The following ANXA3 variants were observed in gnomAD, a reference collection of about 807,000 sequenced individuals.
ANXA3 encodes annexin A3.
ANXA3 carries 46 observed loss-of-function variants against 48.8 expected under a neutral mutation model. The observed-to-expected ratio is 0.94, with a 90% confidence interval of 0.74 to 1.21. The LOEUF (loss-of-function observed/expected upper bound fraction) is 1.21. Among genes scored for constraint, ANXA3 ranks in the 50% most tolerant of loss-of-function variants. The pLI, the probability that ANXA3 is intolerant of heterozygous loss-of-function variation, is 0.00. For missense variants in ANXA3, 383 were observed against 378.6 expected (o/e 1.01, Z -0.10); for synonymous variants, 128 against 134.7 (o/e 0.95, Z 0.35).
intron 2 of ANXA3, among the ~76,000 whole-genome samples, chr4:78,559,963 A>G (rs963497845): frequency 6.6e-6 from 1 of 152,194 alleles, no homozygotes; most frequent in Non-Finnish European, 1.5e-5. Flanking sequence ...TATCGCTGCA[A>G]CTGTTTTTGT....
chr4:78,595,234 C>A, intron 7 of ANXA3, 147 bp from the exon 8 acceptor site: 1 of 834,038 alleles, frequency 1.2e-6, no homozygotes. Context: ...ATGGCAGAAC[C>A]AGAACTGGAG....
At position 78,579,063 on chromosome 4, in the gene ANXA3, A is replaced by T. The variant is rs753843147; in HGVS notation, c.140A>T (p.Glu47Val). 8.7e-6 allele frequency: 14 copies of T among 1,612,642 alleles called. No individual in the cohort carries two copies. Among genetic ancestry groups the T allele is most frequent in the Non-Finnish European group, 1.2e-5 (14 of 1,178,922 alleles). Residue 47 changes from glutamate (E) to valine (V), a missense_variant, in exon 4 of 13, where the codon GAG (glutamate) becomes GTG (valine). Coordinates refer to ENST00000264908, the MANE Select transcript of ANXA3 (RefSeq NM_005139.3). ...DEKMLISILT[E>V]RSNAQRQLIV... ...AAAATGCTCATCAGCATTCTGACTG[A>T]GAGGTCAAATGCACAGCGGCAGCTG...
chr4:78,578,369 G>GGAAGGGAGGGAGGGAA (rs1723005991), intron 3 of ANXA3, among the ~76,000 whole-genome samples: 1 of 132,734 alleles, frequency 7.5e-6, no homozygotes, highest in African/African-American at 3.0e-5. Flanking sequence ...GAGAGAGGGA[G>GGAAGGGAGGGAGGGAA]GAAAGAAGGA....
At chr4:78,577,996 A>G (rs918872960) in intron 3 of ANXA3, among the ~76,000 whole-genome samples, 1 of 151,920 alleles carries the variant, frequency 6.6e-6, no homozygotes, top group Non-Finnish European at 1.5e-5. Context: ...TTTATGAGAG[A>G]GGCCGGGTAC....
intron 9 of ANXA3, among the ~76,000 whole-genome samples, chr4:78,596,658 A>C (rs1441882048): frequency 6.6e-6 from 1 of 152,224 alleles, no homozygotes; most frequent in Non-Finnish European, 1.5e-5. Flanking sequence ...TAATGACAAC[A>C]GTATGTGATA....
chr4:78,578,153 T>A (rs964010376), intron 3 of ANXA3, among the ~76,000 whole-genome samples: 3 of 151,534 alleles, frequency 2.0e-5, no homozygotes, highest in African/African-American at 7.3e-5. Context: ...TGATTGCACA[T>A]GCCTGTAATC....
At chr4:78,597,559 A>G (rs964815853) in intron 10 of ANXA3, 145 bp downstream of exon 10, 3 of 564,460 alleles carry the variant, frequency 5.3e-6, no homozygotes, top group Non-Finnish European at 9.5e-6. Context: ...TACACACAGT[A>G]CGCTCAACAA....
chr4:78,597,287 G>T lies in ANXA3; in HGVS notation c.635-32G>T, dbSNP rs373769010. ...ATATTCAAATGTGCTCAACTGCGTT[G>T]CTTTAAATAATTTTGTGGTGCTTCT... On this transcript the variant is annotated intron_variant, in intron 9 of 12. Coordinates refer to ENST00000264908, the MANE Select transcript of ANXA3 (RefSeq NM_005139.3). 4.3e-6 allele frequency: 6 copies of T among 1,409,806 alleles called. No individual in the cohort carries two copies. The African/African-American group carries it at 5.7e-5, about 13-fold the overall frequency. The allele number at this position is 1,409,806 out of a possible 1,614,324, so 87.3% of individuals were successfully genotyped here. A position where few individuals can be genotyped will look rare whatever the true frequency, so the allele number is the denominator to read the frequency against.
At chr4:78,568,869 A>C (rs1722783296) in intron 2 of ANXA3, among the ~76,000 whole-genome samples, 1 of 152,198 alleles carries the variant, frequency 6.6e-6, no homozygotes, top group African/African-American at 2.4e-5. Flanking sequence ...AAGATGGTTT[A>C]AATGAGATGA....
intron 6 of ANXA3, 130 bp from the exon 7 acceptor site, chr4:78,591,414 T>C: frequency 1.6e-6 from 1 of 633,140 alleles, no homozygotes; most frequent in Admixed American, 2.7e-5. Context: ...ATGAAGAAAT[T>C]AAATAAAAGG....
chr4:78,604,242 A>T (rs1446172176), intron 11 of ANXA3, 35 bp from the exon 12 acceptor site: 1 of 1,563,936 alleles, frequency 6.4e-7, no homozygotes, highest in African/African-American at 1.4e-5. Context: ...GTGACCAATG[A>T]CATTTGTGTT....
rs956350302 is a variant in ANXA3, at chr4:78,609,576, T to C, written c.913-480T>C. ...ATTCAAATCCTGCTTTTGTCACTTA[T>C]TCTCGATAAGATTTGAGGCAAGTTT... On this transcript the variant is annotated intron_variant, in intron 12 of 12. Transcript: ENST00000264908. Among the ~76,000 whole-genome samples the C allele has an allele frequency of 1.9e-4, 29 of 152,198 alleles. 1 individual carries two copies. The highest frequency in any genetic ancestry group is 7.0e-4 in the African/African-American group (29 of 41,468).
intron 1 of ANXA3, among the ~76,000 whole-genome samples, chr4:78,553,024 A>G (rs1010845296): frequency 6.6e-6 from 1 of 152,272 alleles, no homozygotes; most frequent in Admixed American, 6.5e-5. Context: ...AATTCTTTAC[A>G]TCTTAAAAGT....
At chr4:78,563,736 C>G (rs1030048677) in intron 2 of ANXA3, among the ~76,000 whole-genome samples, 1 of 152,196 alleles carries the variant, frequency 6.6e-6, no homozygotes, top group South Asian at 2.1e-4. Context: ...CCACCGTTCT[C>G]TAGCCAAGGG....
chr4:78,599,663 T>TA (rs1225071924), intron 10 of ANXA3, among the ~76,000 whole-genome samples: 2 of 152,156 alleles, frequency 1.3e-5, no homozygotes, highest in African/African-American at 4.8e-5. Flanking sequence ...CTGGGCAACA[T>TA]AGTGAGAGCA....
At chr4:78,557,514 T>C (rs1416043253) in intron 2 of ANXA3, among the ~76,000 whole-genome samples, 3 of 152,128 alleles carry the variant, frequency 2.0e-5, no homozygotes, top group African/African-American at 7.2e-5. Flanking sequence ...TTGTTCTGCC[T>C]ACCACAGGGG....
chr4:78,604,518 A>G (rs1723609152), intron 12 of ANXA3, 119 bp downstream of exon 12: 1 of 826,800 alleles, frequency 1.2e-6, no homozygotes, highest in African/African-American at 1.7e-5. Context: ...TTGTCAATGT[A>G]TAAATGTGTT....
chr4:78,555,368 G>A (rs896661628), intron 2 of ANXA3, among the ~76,000 whole-genome samples: 2 of 152,186 alleles, frequency 1.3e-5, no homozygotes, highest in African/African-American at 4.8e-5. Flanking sequence ...AATCCCATTG[G>A]TAGAGGCAGA....
chr4:78,607,001 C>T (rs1235781992), intron 12 of ANXA3, among the ~76,000 whole-genome samples: 1 of 152,186 alleles, frequency 6.6e-6, no homozygotes, highest in Non-Finnish European at 1.5e-5. Context: ...AAAATAGACT[C>T]ACACATTTTC....
Sources: allele counts gnomAD v4.1 joint callset (sites outside exome capture counted in the v4.1 genomes callset), GRCh38; gene constraint gnomAD v4.1.1; transcripts MANE v1.5; gene names NCBI Gene and HGNC (gene_info 2026-07-23, HGNC 2026-07-21).